TUSC3: variants seen among roughly 807,000 people sequenced by gnomAD.
TUSC3 encodes tumor suppressor candidate 3, also known as dolichyl-diphosphooligosaccharide--protein glycosyltransferase subunit TUSC3.
A neutral mutation model predicts 44.8 loss-of-function variants in TUSC3; 45 were observed. The ratio of observed to expected loss-of-function variants is 1.00; its 90% CI spans 0.79 to 1.29. The LOEUF (loss-of-function observed/expected upper bound fraction) is 1.29, where lower values mean the gene tolerates loss of function less well. TUSC3 is among the 50% of genes most tolerant of loss of function. TUSC3 has a pLI of 0.00. For missense variants in TUSC3, 519 were observed against 437.9 expected (o/e 1.19, Z -1.65); for synonymous variants, 212 against 152.9 (o/e 1.39, Z -2.85).
At chr8:15,688,441 T>TTG (rs1026728088) in intron 6 of TUSC3, among the ~76,000 whole-genome samples, 18 of 151,754 alleles carry the variant, frequency 1.2e-4, no homozygotes, top group African/African-American at 4.4e-4. Context: ...TTTTTTTTTT[T>TTG]TTTTTTAACT....
intron 2 of TUSC3, among the ~76,000 whole-genome samples, chr8:15,632,601 C>A (rs1805822478): frequency 6.6e-6 from 1 of 152,100 alleles, no homozygotes; most frequent in Non-Finnish European, 1.5e-5. Context: ...TTTTACCCAG[C>A]ACTTGTAGTA....
intron 1 of TUSC3, among the ~76,000 whole-genome samples, chr8:15,424,589 A>T (rs899798043): frequency 1.3e-5 from 2 of 152,186 alleles, no homozygotes; most frequent in African/African-American, 2.4e-5. Flanking sequence ...TTGATTAAAA[A>T]ATCGTTAGTG....
intron 2 of TUSC3, among the ~76,000 whole-genome samples, chr8:15,486,328 A>G (rs544909480): frequency 1.2e-4 from 18 of 152,338 alleles, no homozygotes; most frequent in Middle Eastern, 3.4e-3. Context: ...GGTAATTAAA[A>G]TGTGGTAACT....
At chr8:15,677,268 C>A (rs777625937) in intron 6 of TUSC3, among the ~76,000 whole-genome samples, 1 of 152,026 alleles carries the variant, frequency 6.6e-6, no homozygotes, top group Non-Finnish European at 1.5e-5. Flanking sequence ...CCTGAGTTCT[C>A]GGATTACAGG....
chr8:15,769,938 A>T (rs1812411828), downstream of TUSC3, among the ~76,000 whole-genome samples: 1 of 152,198 alleles, frequency 6.6e-6, no homozygotes, highest in Non-Finnish European at 1.5e-5. Context: ...GATGTGGAGA[A>T]ATAGGAATGC....
At chr8:15,771,771 G>A in the TUSC3 span, among the ~76,000 whole-genome samples, 1 of 152,050 alleles carries the variant, frequency 6.6e-6, no homozygotes, top group Non-Finnish European at 1.5e-5. Flanking sequence ...AGGGGGATTT[G>A]TAGCTGGAAA....
intron 1 of TUSC3, among the ~76,000 whole-genome samples, chr8:15,591,876 C>G (rs900152836): frequency 6.6e-6 from 1 of 152,050 alleles, no homozygotes; most frequent in Non-Finnish European, 1.5e-5. Flanking sequence ...AGTAGATGGT[C>G]AAAAGTTTAA....
chr8:15,700,518 G>C (rs1236058578), intron 6 of TUSC3, among the ~76,000 whole-genome samples: 1 of 152,136 alleles, frequency 6.6e-6, no homozygotes, highest in African/African-American at 2.4e-5. Flanking sequence ...TCAGTTAATG[G>C]ACAAGTGGAA....
intron 8 of TUSC3, among the ~76,000 whole-genome samples, chr8:15,746,379 T>G (rs995413069): frequency 2.0e-5 from 3 of 152,154 alleles, no homozygotes; most frequent in Admixed American, 1.3e-4. Context: ...ATTTTAAAAC[T>G]TTCAAATTAT....
At chr8:15,556,008 ATTT>A (rs957934710) in intron 1 of TUSC3, among the ~76,000 whole-genome samples, 1 of 148,380 alleles carries the variant, frequency 6.7e-6, no homozygotes, top group Non-Finnish European at 1.5e-5. Flanking sequence ...TTTATTTTTT[ATTT>A]TTTTTTTATT....
chr8:15,809,286 A>G, the TUSC3 span, among the ~76,000 whole-genome samples: 1 of 152,194 alleles, frequency 6.6e-6, no homozygotes, highest in African/African-American at 2.4e-5. Flanking sequence ...AATCTTTAAC[A>G]AAACATAGTT....
At chr8:15,468,855 A>G (rs892153108) in intron 1 of TUSC3, among the ~76,000 whole-genome samples, 13 of 152,102 alleles carry the variant, frequency 8.5e-5, no homozygotes, top group Non-Finnish European at 1.9e-4. Flanking sequence ...GAAATATATT[A>G]AAATATTTTC....
rs76062899 is a variant in TUSC3, at chr8:15,455,483, G to A, written n.92-27903G>A. ...CACACCTATGTATACATGTATATAT[G>A]TGTACATACCTATAGACATGTATAT... On this transcript the variant is annotated intron_variant and non_coding_transcript_variant, in intron 1 of 5. Transcript: ENST00000503191. Among the ~76,000 whole-genome samples the A allele has an allele frequency of 6.0e-3, 906 of 151,802 alleles. 5 individuals carry two copies. The highest frequency in any genetic ancestry group is 9.3e-3 in the Non-Finnish European group (634 of 67,936).
chr8:15,450,168 T>G (rs1415577263), intron 1 of TUSC3, among the ~76,000 whole-genome samples: 1 of 152,220 alleles, frequency 6.6e-6, no homozygotes, highest in Non-Finnish European at 1.5e-5. Flanking sequence ...CTACTAACAT[T>G]ATTTGTTTCT....
chr8:15,753,295 G>C (rs75379557), intron 9 of TUSC3, among the ~76,000 whole-genome samples: 1 of 151,888 alleles, frequency 6.6e-6, no homozygotes, highest in Non-Finnish European at 1.5e-5. Flanking sequence ...CAGCTCTTTT[G>C]AGAACTGTCA....
intron 1 of TUSC3, among the ~76,000 whole-genome samples, chr8:15,461,176 C>T (rs1036684568): frequency 6.6e-6 from 1 of 151,990 alleles, no homozygotes; most frequent in African/African-American, 2.4e-5. Context: ...GATGTGTTTC[C>T]CTTTGTGTTG....
chr8:15,788,291 A>G, the TUSC3 span, among the ~76,000 whole-genome samples: 11 of 152,164 alleles, frequency 7.2e-5, no homozygotes, highest in African/African-American at 2.7e-4. Flanking sequence ...TTTTATCTGT[A>G]ATCCCAGCAC....
intron 1 of TUSC3, among the ~76,000 whole-genome samples, chr8:15,618,327 A>G (rs1805086592): frequency 6.6e-6 from 1 of 152,198 alleles, no homozygotes; most frequent in African/African-American, 2.4e-5. Context: ...GACTCTTGTA[A>G]TAACAGTTAG....
chr8:15,827,104 C>T, the TUSC3 span, among the ~76,000 whole-genome samples: 27,801 of 152,004 alleles, frequency 0.18, 2,776 homozygotes, highest in Admixed American at 0.29. Context: ...CTCTTGACTC[C>T]GAAGCTTTTC....
Sources: allele counts gnomAD v4.1 joint callset (sites outside exome capture counted in the v4.1 genomes callset), GRCh38; gene constraint gnomAD v4.1.1; transcripts MANE v1.5; gene names NCBI Gene and HGNC (gene_info 2026-07-23, HGNC 2026-07-21).